TFEB: variants seen among roughly 807,000 people sequenced by gnomAD.
The protein encoded by TFEB is T-cell transcription factor EB.
TFEB carries 12 observed loss-of-function variants against 48.0 expected under a neutral mutation model. That is an observed-to-expected ratio of 0.25 (90% confidence interval 0.16 to 0.40). TFEB has a LOEUF of 0.40. Ranked by LOEUF, TFEB falls within the 10% of genes least tolerant of loss-of-function variation. The pLI is 1.00. For synonymous variants in TFEB, 244 were observed against 261.4 expected (o/e 0.93, Z 0.64); for missense variants, 509 against 640.3 (o/e 0.79, Z 2.21).
Position 41,734,319 on chromosome 6 carries a change from C to T in TFEB, c.-23+1031G>A. On this transcript the variant is annotated intron_variant, in intron 1 of 8. Coordinates refer to ENST00000373033, the MANE Select transcript of TFEB (RefSeq NM_001271944.2). The surrounding 1 kb of genome is among the most constrained non-coding windows in gnomAD (Gnocchi z 4.0). The stretch of plus-strand genomic sequence containing the variant: ...GGCTCCCTCCCTTCCTCACCCGGGG[C>T]GCGGGGCTGGGGCGCGCCAGGCGGC... 1.0e-6 allele frequency: 1 copy of T among 983,902 alleles called. No individual in the cohort carries two copies. Among genetic ancestry groups the T allele is most frequent in the Non-Finnish European group, 1.2e-6 (1 of 828,860 alleles). The allele number at this position is 983,902 out of a possible 1,614,324, so 60.9% of individuals were successfully genotyped here.
At chr6:41,696,687 C>G (rs1453581142) in intron 1 of TFEB, among the ~76,000 whole-genome samples, 2 of 151,912 alleles carry the variant, frequency 1.3e-5, no homozygotes, top group African/African-American at 4.8e-5. Flanking sequence ...GAGTGAGACT[C>G]CATCTCAAAA....
At chr6:41,699,011 A>G (rs946506729) in intron 1 of TFEB, among the ~76,000 whole-genome samples, 3 of 152,194 alleles carry the variant, frequency 2.0e-5, no homozygotes, top group Non-Finnish European at 4.4e-5. Flanking sequence ...AGGGGTGGAA[A>G]GGTATCCTAC....
In TFEB at chr6:41,691,149, C is replaced by T. The variant is rs1466869940; in HGVS notation, c.65G>A (p.Arg22Gln). The change falls in exon 2 of 9, where the codon CGG becomes CAG. Residue 22 changes from arginine (R) to glutamine (Q), a missense_variant. Physicochemically the swap from Arg to Gln is conservative, Grantham distance 43 (BLOSUM62 1). This residue lies in a region of TFEB where 251 missense variants were observed against 317.2 expected (regional missense o/e 0.79). Transcript: ENST00000373033. The surrounding 1 kb of genome is among the most constrained non-coding windows in gnomAD (Gnocchi z 5.2). ...GACAGCCTGTTGCTGCATGCGCTCC[C>T]GCTGCTCCTCCTGCTGCGCCTGCTC... ...MREQAQQEEQ[R>Q]ERMQQQAVMH... 1.9e-6 allele frequency: 3 copies of T among 1,590,950 alleles called. No homozygotes were observed. Among genetic ancestry groups the T allele is most frequent in the Non-Finnish European group, 2.6e-6 (3 of 1,167,086 alleles).
At chr6:41,736,050 G>A (rs909721037), upstream of TFEB, 57 of 1,505,136 alleles carry the variant, frequency 3.8e-5, no homozygotes, top group Middle Eastern at 5.1e-4. Flanking sequence ...ATCATAAGGG[G>A]CAAGGCCAGG....
At position 41,690,645 on chromosome 6, in the gene TFEB, G is replaced by A. The variant is rs533707180; in HGVS notation, c.468+18C>T. The A allele has an allele frequency of 2.0e-6, 3 of 1,506,516 alleles. No homozygotes were observed. The East Asian group carries it at 6.9e-5, about 35-fold the overall frequency. The allele number at this position is 1,506,516 out of a possible 1,614,324, so 93.3% of individuals were successfully genotyped here. A position where few individuals can be genotyped will look rare whatever the true frequency, so the allele number is the denominator to read the frequency against. ...GAGCTCTGCAAGCAGCATGGCCACT[G>A]GCCAGCTCCTCACTCACCTCCCTCT... On this transcript the variant is annotated intron_variant, in intron 3 of 8. Coordinates refer to ENST00000373033, the MANE Select transcript of TFEB (RefSeq NM_001271944.2).
chr6:41,708,334 G>A (rs971290441), intron 1 of TFEB, among the ~76,000 whole-genome samples: 30 of 152,200 alleles, frequency 2.0e-4, no homozygotes, highest in Admixed American at 1.6e-3. Context: ...GGCTTGATGA[G>A]GTGGCAAAAG....
intron 1 of TFEB, among the ~76,000 whole-genome samples, chr6:41,709,529 G>GTGGA (rs10604830): frequency 0.037 from 5,533 of 149,404 alleles, 131 homozygotes; most frequent in Middle Eastern, 0.082. Flanking sequence ...ATAATGGTTG[G>GTGGA]TGGATGGATG....
chr6:41,706,029 C>T lies in TFEB; in HGVS notation c.-22-14794G>A, dbSNP rs1200550513. ...CCAGGCCTGGTGACCGTCATCTCGC[C>T]AGGGCCGCCCTGCCCACGAGTTCCC... On this transcript the variant is annotated intron_variant, in intron 1 of 8. Transcript: ENST00000373033. 2.0e-5 allele frequency: 3 copies of T among 152,086 alleles called. No homozygotes were observed. The East Asian group carries it at 5.8e-4, about 29-fold the overall frequency. The allele number at this position is 152,086 out of a possible 1,614,324, so 9.4% of individuals were successfully genotyped here.
intron 1 of TFEB, among the ~76,000 whole-genome samples, chr6:41,718,195 G>C (rs1026267565): frequency 1.3e-5 from 2 of 148,666 alleles, no homozygotes; most frequent in African/African-American, 2.5e-5. Context: ...GTTTTTTTTT[G>C]TTGTTTTATT....
intron 8 of TFEB, 132 bp downstream of exon 8, chr6:41,685,954 CCTAA>C: frequency 8.5e-7 from 1 of 1,177,608 alleles, no homozygotes; most frequent in Non-Finnish European, 1.2e-6. Context: ...AGCAAAACAT[CCTAA>C]CTGATACATC....
At chr6:41,725,686 C>T (rs1046045888) in intron 1 of TFEB, among the ~76,000 whole-genome samples, 4 of 152,342 alleles carry the variant, frequency 2.6e-5, no homozygotes, top group Admixed American at 2.0e-4. Context: ...ATATATGCTT[C>T]TTTCCTTGTA....
At chr6:41,732,070 G>A (rs997058612) in intron 1 of TFEB, among the ~76,000 whole-genome samples, 6 of 151,870 alleles carry the variant, frequency 4.0e-5, no homozygotes, top group African/African-American at 1.5e-4. Flanking sequence ...TTTTTCAATT[G>A]AGTCCAGGTC....
rs534790518 is a variant in TFEB, at chr6:41,733,118, G to A, written c.-23+2232C>T. 4.0e-5 allele frequency: 37 copies of A among 923,140 alleles called. No individual in the cohort carries two copies. In the South Asian group the frequency reaches 1.7e-3, roughly 44 times the overall value. 57.2% of individuals were successfully genotyped at this position (923,140 alleles called of 1,614,324 possible). ...GCCCCAGGAGGGCTCAGGGCCAAGA[G>A]CTAGACCCTCAAAGGGCAGCCAGAC... On this transcript the variant is annotated intron_variant, in intron 1 of 8. Transcript: ENST00000373033.
Position 41,691,340 on chromosome 6 carries a change from G to T in TFEB, c.-22-105C>A. 1 of 1,170,118 alleles carries T rather than the reference G, an allele frequency of 8.5e-7. No homozygotes were observed. The highest frequency in any genetic ancestry group is 1.3e-6 in the Non-Finnish European group (1 of 799,804). The allele number at this position is 1,170,118 out of a possible 1,614,324, so 72.5% of individuals were successfully genotyped here. ...TGACTGGGACCGCATCCATTTTAGA[G>T]GAGAAGACACCGAGCCCTGAGAGGG... On this transcript the variant is annotated intron_variant, in intron 1 of 8. Transcript: ENST00000373033. This position sits in a 1 kb window ranked among gnomAD's most constrained non-coding sequence, Gnocchi z 5.2.
At chr6:41,715,246 G>C (rs1770684280) in intron 1 of TFEB, among the ~76,000 whole-genome samples, 1 of 152,174 alleles carries the variant, frequency 6.6e-6, no homozygotes, top group African/African-American at 2.4e-5. Context: ...GGACCACACA[G>C]CTTAGGGAGA....
intron 1 of TFEB, chr6:41,705,689 G>GC (rs1226944172): frequency 6.6e-6 from 1 of 152,614 alleles, no homozygotes; most frequent in Non-Finnish European, 1.5e-5. Flanking sequence ...CCACCACAGG[G>GC]CCCCCCAGGC....
chr6:41,696,937 G>C (rs1477806983), intron 1 of TFEB, among the ~76,000 whole-genome samples: 7 of 152,328 alleles, frequency 4.6e-5, no homozygotes, highest in Middle Eastern at 3.4e-3. Flanking sequence ...TTGGGGGAGT[G>C]TCTGGGAGGG....
chr6:41,689,713 C>G lies in TFEB; in HGVS notation c.549+18G>C. 1 of 1,611,608 alleles carries G rather than the reference C, an allele frequency of 6.2e-7. No individual in the cohort carries two copies. Among genetic ancestry groups the G allele is most frequent in the Non-Finnish European group, 8.5e-7 (1 of 1,178,006 alleles). ...CCCTAGAACCCTTGCACACCCACCC[C>G]ACCCTAGCCAGGAGTACCGTGTTGG... On this transcript the variant is annotated intron_variant, in intron 4 of 8. Transcript: ENST00000373033.
intron 1 of TFEB, among the ~76,000 whole-genome samples, chr6:41,727,217 C>T (rs574343901): frequency 6.6e-5 from 10 of 152,182 alleles, no homozygotes; most frequent in Admixed American, 1.3e-4. Context: ...GAGAAAGGTA[C>T]TGGTGGGGTG....
Sources: gnomAD v4.1 joint callset for allele counts (sites outside exome capture counted in the v4.1 genomes callset) on GRCh38, gnomAD v4.1.1 for gene constraint, gnomAD v4.1.1 regional missense constraint, Gnocchi (gnomAD v3.1) non-coding constraint, MANE v1.5 for transcripts, NCBI Gene and HGNC (gene_info 2026-07-23, HGNC 2026-07-21) for gene names.